Variants in NOS1AP observed in about 807,000 individuals in gnomAD.
NOS1AP encodes carboxyl-terminal PDZ ligand of neuronal nitric oxide synthase protein.
In NOS1AP, 21 loss-of-function variants were observed where a neutral mutation model predicts 56.2. The ratio of observed to expected loss-of-function variants is 0.37; its 90% CI spans 0.26 to 0.54. The LOEUF (loss-of-function observed/expected upper bound fraction) is 0.54. NOS1AP is among the 20% of genes least tolerant of loss of function. NOS1AP has a pLI of 0.84. For missense variants in NOS1AP, 522 were observed against 657.8 expected, an observed-to-expected ratio of 0.79 and a Z score of 2.26; for synonymous variants, 270 against 274.6, an observed-to-expected ratio of 0.98 and a Z score of 0.17.
chr1:162,358,027 G>T (rs1055074191), intron 8 of NOS1AP, among the ~76,000 whole-genome samples: 5 of 152,170 alleles, frequency 3.3e-5, no homozygotes, highest in Admixed American at 1.3e-4. Context: ...AGACGGGGCA[G>T]TTGGGGCTTG....
intron 2 of NOS1AP, among the ~76,000 whole-genome samples, chr1:162,275,167 C>T (rs1206432065): frequency 6.6e-6 from 1 of 151,842 alleles, no homozygotes; most frequent in Admixed American, 6.6e-5. Flanking sequence ...TTTTTGTTGT[C>T]GTTGTTGTTT....
chr1:162,366,055 TGG>T (rs1436234147), intron 9 of NOS1AP, among the ~76,000 whole-genome samples: 1 of 152,160 alleles, frequency 6.6e-6, no homozygotes, highest in Non-Finnish European at 1.5e-5. Context: ...ATCTGTTCAG[TGG>T]ATAAGGCAGT....
chr1:162,137,251 T>G (rs1206432652), intron 1 of NOS1AP, among the ~76,000 whole-genome samples: 1 of 152,214 alleles, frequency 6.6e-6, no homozygotes. Context: ...CTTTGTCAGT[T>G]TCAGCCTCTC....
rs567982904 is a variant in NOS1AP, at chr1:162,285,526, G to A, written c.178-1818G>A. On this transcript the variant is annotated intron_variant, in intron 2 of 9. Transcript: ENST00000361897. ...GCCAATCAAACCAACTTTAACCTTC[G>A]CTGGTTTGTGGCTGCTGACCTAGAG... Among the ~76,000 whole-genome samples the A allele has an allele frequency of 5.3e-5, 8 of 152,220 alleles. No homozygotes were observed. In the South Asian group the frequency reaches 6.2e-4, roughly 12 times the overall value.
chr1:162,253,225 C>T (rs1008803085), intron 2 of NOS1AP, among the ~76,000 whole-genome samples: 2 of 152,160 alleles, frequency 1.3e-5, no homozygotes, highest in South Asian at 4.1e-4. Flanking sequence ...TTCCTTCCGC[C>T]ATGGGACGAT....
intron 2 of NOS1AP, among the ~76,000 whole-genome samples, chr1:162,279,218 GGTT>G (rs577400506): frequency 1.8e-4 from 28 of 152,252 alleles, no homozygotes; most frequent in African/African-American, 6.5e-4. Flanking sequence ...TAATCATTTA[GGTT>G]GTTGTTCAGC....
At chr1:162,341,008 C>A (rs983701523) in intron 5 of NOS1AP, among the ~76,000 whole-genome samples, 3 of 152,144 alleles carry the variant, frequency 2.0e-5, no homozygotes, top group African/African-American at 7.2e-5. Flanking sequence ...AGCCCATCAT[C>A]CATTGTCATC....
chr1:162,173,173 ACCCGTCTAATATTTTT>A (rs1650883375), intron 2 of NOS1AP, among the ~76,000 whole-genome samples: 2 of 152,066 alleles, frequency 1.3e-5, no homozygotes, highest in Non-Finnish European at 2.9e-5. Context: ...TTACTTTTGC[ACCCGTCTAATATTTTT>A]GACGGGGTTT....
intron 2 of NOS1AP, among the ~76,000 whole-genome samples, chr1:162,198,057 G>A (rs927102998): frequency 3.3e-5 from 5 of 152,364 alleles, no homozygotes; most frequent in South Asian, 2.1e-4. Flanking sequence ...CTGTAGGAGG[G>A]CCCTGGTACT....
intron 1 of NOS1AP, among the ~76,000 whole-genome samples, chr1:162,113,613 CG>C (rs1292070615): frequency 1.3e-5 from 2 of 152,208 alleles, no homozygotes; most frequent in Admixed American, 1.3e-4. Flanking sequence ...TTTACATGGC[CG>C]GAACGGGAGG....
chr1:162,204,113 A>G (rs797008530), intron 2 of NOS1AP, among the ~76,000 whole-genome samples: 64 of 152,330 alleles, frequency 4.2e-4, no homozygotes, highest in African/African-American at 1.4e-3. Context: ...CAACCCTGCA[A>G]TAGTTCATCC....
chr1:162,190,649 T>A (rs761333641), intron 2 of NOS1AP, among the ~76,000 whole-genome samples: 2 of 152,158 alleles, frequency 1.3e-5, no homozygotes, highest in Non-Finnish European at 2.9e-5. Flanking sequence ...TCTGAAACTT[T>A]ATATATTATT....
intron 2 of NOS1AP, among the ~76,000 whole-genome samples, chr1:162,170,478 G>C (rs1337066): frequency 0.98 from 149,817 of 152,312 alleles, 73,727 homozygotes; most frequent in East Asian, 1. Context: ...CTTTCATTAG[G>C]TACTTGCTCA....
At chr1:162,282,147 G>C (rs1157054926) in intron 2 of NOS1AP, among the ~76,000 whole-genome samples, 1 of 152,198 alleles carries the variant, frequency 6.6e-6, no homozygotes, top group African/African-American at 2.4e-5. Context: ...GTACGGTTCT[G>C]TGGCATTAAA....
At chr1:162,115,699 G>T (rs1647917340) in intron 1 of NOS1AP, among the ~76,000 whole-genome samples, 1 of 152,160 alleles carries the variant, frequency 6.6e-6, no homozygotes. Context: ...TGGAGTGGGA[G>T]GTTGAGGGCA....
chr1:162,147,527 G>C (rs1024074160), intron 1 of NOS1AP, among the ~76,000 whole-genome samples: 1 of 152,078 alleles, frequency 6.6e-6, no homozygotes, highest in African/African-American at 2.4e-5. Flanking sequence ...ATTATGATTC[G>C]TGTACCAGGG....
intron 1 of NOS1AP, among the ~76,000 whole-genome samples, chr1:162,147,548 T>C (rs537766303): frequency 1.3e-5 from 2 of 152,256 alleles, no homozygotes; most frequent in African/African-American, 4.8e-5. Context: ...GCCACAACAG[T>C]AGAGTTGATT....
intron 2 of NOS1AP, among the ~76,000 whole-genome samples, chr1:162,195,152 C>T (rs1651764724): frequency 6.6e-6 from 1 of 151,940 alleles, no homozygotes. Context: ...GACTCAGTGA[C>T]ACAATATATA....
rs869188705 is a variant in NOS1AP, at chr1:162,345,151, TTC to T, written c.595+1177_595+1178del. ...TTTAACATGACAATACAGATTTCTT[TTC>T]TTTTTTTCTTTTATTATTATACTTT... is the stretch of plus-strand genomic sequence containing the variant. On this transcript the variant is annotated intron_variant, in intron 6 of 9. Coordinates refer to ENST00000361897, the MANE Select transcript of NOS1AP (RefSeq NM_014697.3). 1.5e-3 allele frequency among the ~76,000 whole-genome samples: 186 copies of T among 127,730 alleles called. 2 individuals are homozygous for T. Among genetic ancestry groups the T allele is most frequent in the Admixed American group, 8.8e-3 (106 of 12,022 alleles). 83.8% of individuals were successfully genotyped at this position (127,730 alleles called of 152,430 possible). A position where few individuals can be genotyped will look rare whatever the true frequency, so the allele number is the denominator to read the frequency against.
Sources: allele counts gnomAD v4.1 joint callset (sites outside exome capture counted in the v4.1 genomes callset), GRCh38; gene constraint gnomAD v4.1.1; transcripts MANE v1.5; gene names NCBI Gene and HGNC (gene_info 2026-07-23, HGNC 2026-07-21).